The following SUGCT variants were observed in gnomAD, a reference collection of about 807,000 sequenced individuals.
SUGCT encodes the protein succinyl-CoA:glutarate-CoA transferase.
SUGCT carries 41 observed loss-of-function variants against 55.0 expected under a neutral mutation model. The ratio of observed to expected loss-of-function variants is 0.74; its 90% CI spans 0.58 to 0.97. SUGCT has a LOEUF of 0.97. Ranked by LOEUF, SUGCT falls within the 50% of genes least tolerant of loss-of-function variation. The probability of loss-of-function intolerance (pLI) is 0.00; values close to 1 mark genes in which losing one functional copy is unlikely to be tolerated. For missense variants in SUGCT, 568 were observed against 547.8 expected, an observed-to-expected ratio of 1.04 and a Z score of -0.37; for synonymous variants, 187 against 200.4, an observed-to-expected ratio of 0.93 and a Z score of 0.56.
At chr7:40,934,564 C>T in the SUGCT span, among the ~76,000 whole-genome samples, 2 of 152,220 alleles carry the variant, frequency 1.3e-5, no homozygotes, top group Non-Finnish European at 1.5e-5. Flanking sequence ...TCTATAGAGG[C>T]AGTAGGCCTT....
intron 6 of SUGCT, among the ~76,000 whole-genome samples, chr7:40,237,388 G>T (rs1350711597): frequency 6.6e-6 from 1 of 151,964 alleles, no homozygotes; most frequent in African/African-American, 2.4e-5. Flanking sequence ...AGGTTGCAGT[G>T]AGCCGAGATC....
At chr7:40,193,032 A>T (rs1469470778) in intron 5 of SUGCT, among the ~76,000 whole-genome samples, 1 of 147,236 alleles carries the variant, frequency 6.8e-6, no homozygotes, top group African/African-American at 2.5e-5. Flanking sequence ...AGTAGTGAGA[A>T]TTTGGCTCAC....
chr7:40,135,229 A>G, intron 1 of SUGCT, 109 bp downstream of exon 1: 1 of 1,310,306 alleles, frequency 7.6e-7, no homozygotes, highest in South Asian at 1.7e-5. Context: ...CTGACCCCTT[A>G]GCGGTGGCTT....
At chr7:40,277,949 T>C (rs542272264) in intron 8 of SUGCT, among the ~76,000 whole-genome samples, 2 of 152,152 alleles carry the variant, frequency 1.3e-5, no homozygotes, top group South Asian at 2.1e-4. Context: ...TTTGGTTTTT[T>C]ATCCTTGCGA....
chr7:40,188,891 G>T (rs1785709831), intron 4 of SUGCT, among the ~76,000 whole-genome samples: 1 of 151,924 alleles, frequency 6.6e-6, no homozygotes, highest in African/African-American at 2.4e-5. Flanking sequence ...CTAACACTCG[G>T]TATTATACTT....
intron 12 of SUGCT, among the ~76,000 whole-genome samples, chr7:40,698,539 T>A (rs1027813396): frequency 6.6e-6 from 1 of 152,164 alleles, no homozygotes; most frequent in Non-Finnish European, 1.5e-5. Context: ...CCCTGTCATT[T>A]GCTGTGGAGA....
At chr7:40,339,001 C>T (rs1384303528) in intron 9 of SUGCT, among the ~76,000 whole-genome samples, 1 of 152,160 alleles carries the variant, frequency 6.6e-6, no homozygotes, top group Non-Finnish European at 1.5e-5. Context: ...TTGGAGTTTG[C>T]TAGAGGTCCA....
chr7:40,664,334 A>G (rs1801493944), intron 12 of SUGCT, among the ~76,000 whole-genome samples: 1 of 152,236 alleles, frequency 6.6e-6, no homozygotes, highest in Non-Finnish European at 1.5e-5. Context: ...AGAGTGCTTT[A>G]CAGAGCAAGT....
chr7:40,896,435 T>A, the SUGCT span, among the ~76,000 whole-genome samples: 3,111 of 152,256 alleles, frequency 0.02, 93 homozygotes, highest in African/African-American at 0.071. Context: ...CCAAATCTCA[T>A]CTTGAATTGC....
At chr7:40,723,755 C>G (rs1584339669) in intron 12 of SUGCT, among the ~76,000 whole-genome samples, 1 of 152,326 alleles carries the variant, frequency 6.6e-6, no homozygotes, top group East Asian at 1.9e-4. Context: ...GTTTTTCATA[C>G]TATATCCCAT....
chr7:40,917,950 C>T, the SUGCT span, among the ~76,000 whole-genome samples: 2 of 152,058 alleles, frequency 1.3e-5, no homozygotes, highest in Non-Finnish European at 2.9e-5. Context: ...TATATTTTGG[C>T]TGGATACAAT....
At chr7:40,484,335 A>G (rs1791215379) in intron 11 of SUGCT, among the ~76,000 whole-genome samples, 1 of 152,134 alleles carries the variant, frequency 6.6e-6, no homozygotes, top group Non-Finnish European at 1.5e-5. Flanking sequence ...AGTTCATAAA[A>G]TCGTTGCCAA....
chr7:40,785,411 G>C (rs148899616), intron 13 of SUGCT, among the ~76,000 whole-genome samples: 237 of 152,296 alleles, frequency 1.6e-3, no homozygotes, highest in African/African-American at 5.3e-3. Context: ...AGAAAGCTTA[G>C]TCCCAGTTGG....
intron 7 of SUGCT, among the ~76,000 whole-genome samples, chr7:40,271,030 G>C (rs1263549809): frequency 6.6e-6 from 1 of 151,924 alleles, no homozygotes; most frequent in Non-Finnish European, 1.5e-5. Flanking sequence ...ACTGATGTTT[G>C]TATATTGGCT....
intron 12 of SUGCT, among the ~76,000 whole-genome samples, chr7:40,651,836 C>T (rs1242397991): frequency 6.6e-6 from 1 of 151,986 alleles, no homozygotes; most frequent in Non-Finnish European, 1.5e-5. Context: ...TGAGTTTATG[C>T]GTCATTGATT....
intron 13 of SUGCT, among the ~76,000 whole-genome samples, chr7:40,847,859 A>G (rs897696156): frequency 1.3e-5 from 2 of 152,160 alleles, no homozygotes; most frequent in Non-Finnish European, 2.9e-5. Flanking sequence ...CTCCTTTGCA[A>G]AAGGGAAAGT....
chr7:40,155,906 A>G (rs1259611476), intron 1 of SUGCT, among the ~76,000 whole-genome samples: 1 of 146,958 alleles, frequency 6.8e-6, no homozygotes, highest in Non-Finnish European at 1.5e-5. Context: ...AGCCCAGGCT[A>G]GAGTGCAGCG....
chr7:40,306,386 T>C (rs1423632467), intron 8 of SUGCT, among the ~76,000 whole-genome samples: 1 of 152,232 alleles, frequency 6.6e-6, no homozygotes, highest in Non-Finnish European at 1.5e-5. Context: ...TCTTGTAGCA[T>C]TGATCATTTC....
chr7:40,841,102 T>C (rs889052999), intron 13 of SUGCT, among the ~76,000 whole-genome samples: 3 of 152,070 alleles, frequency 2.0e-5, no homozygotes, highest in African/African-American at 4.8e-5. Context: ...TTTTCTTTTA[T>C]GAGATTCAAA....
Sources: gnomAD v4.1 joint callset for allele counts (sites outside exome capture counted in the v4.1 genomes callset) on GRCh38, gnomAD v4.1.1 for gene constraint, MANE v1.5 for transcripts, NCBI Gene and HGNC (gene_info 2026-07-23, HGNC 2026-07-21) for gene names.